The following C9orf85 variants were observed in gnomAD, a reference collection of about 807,000 sequenced individuals.
C9orf85 encodes uncharacterized protein C9orf85.
In C9orf85, 16 loss-of-function variants were observed where a neutral mutation model predicts 14.9. The observed-to-expected ratio is 1.08, with a 90% confidence interval of 0.73 to 1.63. C9orf85 has a LOEUF of 1.63. Among genes scored for constraint, C9orf85 ranks in the 40% most tolerant of loss-of-function variants. The pLI is 0.00. For synonymous variants in C9orf85, 45 were observed against 56.8 expected (o/e 0.79, Z 0.93); for missense variants, 172 against 186.1 (o/e 0.92, Z 0.44).
At chr9:71,956,987 CT>C (rs199797246) in intron 2 of C9orf85, among the ~76,000 whole-genome samples, 236 of 143,950 alleles carry the variant, frequency 1.6e-3, no homozygotes, top group Admixed American at 3.0e-3. Context: ...TGAAGACTGA[CT>C]TTTTTTTTTT....
At chr9:71,982,735 A>C (rs753167713) in exon 4 of C9orf85, 11 of 358,950 alleles carry the variant, frequency 3.1e-5, no homozygotes, top group South Asian at 2.3e-4. Flanking sequence ...TCCCTTGTTC[A>C]AGTGATTCTC....
intron 1 of C9orf85, among the ~76,000 whole-genome samples, chr9:71,942,594 G>C (rs1821966987): frequency 6.6e-6 from 1 of 152,118 alleles, no homozygotes; most frequent in Non-Finnish European, 1.5e-5. Flanking sequence ...AAATAATGTA[G>C]TTTATGATTT....
intron 1 of C9orf85, among the ~76,000 whole-genome samples, chr9:71,925,821 TTAAGA>T (rs1564084168): frequency 6.6e-6 from 1 of 152,174 alleles, no homozygotes; most frequent in African/African-American, 2.4e-5. Context: ...ATTTTAAAAA[TTAAGA>T]TAACTAAAGA....
chr9:71,953,139 C>G (rs531940205), intron 2 of C9orf85, among the ~76,000 whole-genome samples: 1 of 152,176 alleles, frequency 6.6e-6, no homozygotes, highest in African/African-American at 2.4e-5. Flanking sequence ...GTTCACAAGA[C>G]GGCCCGCCAC....
intron 1 of C9orf85, among the ~76,000 whole-genome samples, chr9:71,917,150 T>C (rs372224172): frequency 8.5e-5 from 13 of 152,328 alleles, no homozygotes; most frequent in African/African-American, 3.1e-4. Context: ...TTAAAAAATA[T>C]ATGTACTGTA....
chr9:71,953,688 C>G (rs1822302355), intron 2 of C9orf85, among the ~76,000 whole-genome samples: 1 of 152,194 alleles, frequency 6.6e-6, no homozygotes, highest in Non-Finnish European at 1.5e-5. Flanking sequence ...CCTATTCATA[C>G]TTCATTGCAT....
Position 71,917,127 on chromosome 9 carries a change from T to C in C9orf85, c.102+5291T>C, listed in dbSNP as rs148262075. 5.3e-5 allele frequency among the ~76,000 whole-genome samples: 8 copies of C among 152,308 alleles called. No homozygotes were observed. The East Asian group carries it at 1.4e-3, about 26-fold the overall frequency. ...GCAAGTAAATCAAAAGCCCTCCATG[T>C]GTATGTGTGATTTTAAAAAATATAT... On this transcript the variant is annotated intron_variant, in intron 1 of 3. Transcript: ENST00000334731.
chr9:71,930,803 CAAAAAAAAAAAA>C (rs747596247), intron 1 of C9orf85, among the ~76,000 whole-genome samples: 5 of 61,036 alleles, frequency 8.2e-5, no homozygotes, highest in African/African-American at 1.5e-4. Context: ...GACCCTGTCT[CAAAAAAAAAAAA>C]AAAAAAAAAA....
At chr9:71,934,485 C>T (rs1828143102) in intron 1 of C9orf85, among the ~76,000 whole-genome samples, 1 of 152,130 alleles carries the variant, frequency 6.6e-6, no homozygotes, top group Non-Finnish European at 1.5e-5. Flanking sequence ...CATGTTTTTG[C>T]ATCAAAAGAC....
chr9:71,927,452 T>C (rs1353222620), intron 1 of C9orf85, among the ~76,000 whole-genome samples: 1 of 152,106 alleles, frequency 6.6e-6, no homozygotes, highest in Non-Finnish European at 1.5e-5. Context: ...GGTAAATCTT[T>C]TAGAAGAAAA....
chr9:71,920,372 A>G (rs1441924750), intron 1 of C9orf85, among the ~76,000 whole-genome samples: 1 of 152,212 alleles, frequency 6.6e-6, no homozygotes, highest in East Asian at 1.9e-4. Context: ...TATCACCAGT[A>G]TTTGTTTCTA....
intron 1 of C9orf85, chr9:71,942,067 T>C (rs1415481126): frequency 6.6e-6 from 1 of 151,910 alleles, no homozygotes. Context: ...TTGAGAGAAA[T>C]AGTGTTTATT....
intron 1 of C9orf85, among the ~76,000 whole-genome samples, chr9:71,914,023 G>A (rs938312260): frequency 2.0e-5 from 3 of 152,170 alleles, no homozygotes; most frequent in African/African-American, 7.2e-5. Context: ...TCATTCGGTT[G>A]ATTGTTCATC....
In C9orf85 at chr9:71,949,439, T is replaced by G. The variant is rs565996535; in HGVS notation, c.209+2327T>G. Among the ~76,000 whole-genome samples, 3 of 152,312 alleles carry G rather than the reference T, an allele frequency of 2.0e-5. No homozygotes were observed. The East Asian group carries it at 5.8e-4, about 29-fold the overall frequency. ...TTTTGCTGTAGAACTTCTGAACTTA[T>G]GTATTTTGTTTTCTCGCGACAGAGC... On this transcript the variant is annotated intron_variant, in intron 2 of 3. Coordinates refer to ENST00000334731, the MANE Select transcript of C9orf85 (RefSeq NM_182505.5).
At chr9:71,952,126 G>A (rs1057260616) in intron 2 of C9orf85, among the ~76,000 whole-genome samples, 1 of 152,166 alleles carries the variant, frequency 6.6e-6, no homozygotes, top group African/African-American at 2.4e-5. Flanking sequence ...AAGTAAAGCA[G>A]ATGGAGGTAA....
rs149363206 is a variant in C9orf85, at chr9:71,928,947, A to G, written c.102+17111A>G. Among the ~76,000 whole-genome samples, 567 of 152,286 alleles carry G rather than the reference A, an allele frequency of 3.7e-3. 3 individuals are homozygous for G. Among genetic ancestry groups the G allele is most frequent in the African/African-American group, 0.013 (521 of 41,562 alleles). ...TCTCAACTGAAGTTAGGCAGGTCAC[A>G]TGTGAATACTGAGCTTTAAACCAAA... On this transcript the variant is annotated intron_variant, in intron 1 of 3. Transcript: ENST00000334731.
intron 1 of C9orf85, among the ~76,000 whole-genome samples, chr9:71,914,999 C>A (rs984085293): frequency 6.6e-6 from 1 of 152,068 alleles, no homozygotes; most frequent in East Asian, 1.9e-4. Flanking sequence ...TGATGTCCAA[C>A]GAAAAGAGCA....
Position 71,971,607 on chromosome 9 carries a change from C to T in C9orf85, c.312C>T (p.Asp104=), listed in dbSNP as rs530140398. Residue 104 remains aspartate, a synonymous_variant, in exon 3 of 4, where the codon GAC becomes GAT. Transcript: ENST00000334731. Reference sequence around the variant, plus strand: ...GCGCAAAATGTGGAAAGAAAGAAGACATTGTTATTCCGTGAGTGTTTCCTT... The same window carrying T: ...GCGCAAAATGTGGAAAGAAAGAAGATATTGTTATTCCGTGAGTGTTTCCTT... ...EVCAKCGKKE[D]IVIPLNKETE... 1.9e-6 allele frequency: 3 copies of T among 1,601,056 alleles called. No homozygotes were observed. Among genetic ancestry groups the T allele is most frequent in the African/African-American group, 1.3e-5 (1 of 74,738 alleles).
chr9:71,953,126 A>G (rs1266643785), intron 2 of C9orf85, among the ~76,000 whole-genome samples: 2 of 152,128 alleles, frequency 1.3e-5, no homozygotes, highest in Admixed American at 1.3e-4. Context: ...TAAACATCCC[A>G]CAGTTCACAA....
Sources: gnomAD v4.1 joint callset for allele counts (sites outside exome capture counted in the v4.1 genomes callset) on GRCh38, gnomAD v4.1.1 for gene constraint, MANE v1.5 for transcripts, NCBI Gene and HGNC (gene_info 2026-07-23, HGNC 2026-07-21) for gene names.